Variants in PLA2G6 observed in about 807,000 individuals in gnomAD.
The protein encoded by PLA2G6 is phospholipase A2 group VI.
Under a neutral mutation model 83.8 loss-of-function variants are expected in PLA2G6, and 62 were observed. The observed-to-expected ratio is 0.74, with a 90% CI of 0.60 to 0.91. PLA2G6 has a LOEUF of 0.91. PLA2G6 is among the 40% of genes least tolerant of loss of function. The pLI is 0.00. For missense variants in PLA2G6, 944 were observed against 1,102.0 expected (o/e 0.86, Z 2.03); for synonymous variants, 417 against 449.8 (o/e 0.93, Z 0.92).
intron 2 of PLA2G6, 23 bp downstream of exon 2, chr22:38,169,195 T>C (rs1414651465): frequency 5.1e-6 from 8 of 1,576,044 alleles, no homozygotes; most frequent in Non-Finnish European, 6.1e-6. Flanking sequence ...GAGAGAAGTA[T>C]GTTCCCGCTG....
intron 3 of PLA2G6, chr22:38,145,032 CTTTTTTTTTT>C (rs968832533): frequency 1.6e-5 from 3 of 192,672 alleles, no homozygotes; most frequent in Non-Finnish European, 2.0e-5. Flanking sequence ...AACGCAGCAC[CTTTTTTTTTT>C]TTTTTTTTTT....
Position 38,111,582 on chromosome 22 carries a change from A to C in PLA2G6, c.*579T>G, listed in dbSNP as rs998129211. ...GAAACTCCCAGGAGTGACCTTTGAGAGCTGAGGGTTCTCGGGGTGGGGCAG... is the reference window on the plus strand; with the variant it reads ...GAAACTCCCAGGAGTGACCTTTGAGCGCTGAGGGTTCTCGGGGTGGGGCAG... On this transcript the variant is annotated 3_prime_UTR_variant, in exon 17 of 17. Transcript: ENST00000332509. 6 of 170,710 alleles carry C rather than the reference A, an allele frequency of 3.5e-5. No individual in the cohort carries two copies. Among genetic ancestry groups the C allele is most frequent in the Non-Finnish European group, 6.4e-5 (5 of 78,296 alleles). 10.6% of individuals were successfully genotyped at this position (170,710 alleles called of 1,614,324 possible).
intron 14 of PLA2G6, among the ~76,000 whole-genome samples, chr22:38,114,584 C>T (rs896144273): frequency 6.6e-6 from 1 of 152,218 alleles, no homozygotes; most frequent in Non-Finnish European, 1.5e-5. Flanking sequence ...CCCATCCGCA[C>T]GCAATAGGAG....
At chr22:38,176,783 A>C (rs1382983660) in intron 1 of PLA2G6, among the ~76,000 whole-genome samples, 1 of 152,142 alleles carries the variant, frequency 6.6e-6, no homozygotes, top group African/African-American at 2.4e-5. Flanking sequence ...CACACCTGTA[A>C]TCCCAGCACT....
At position 38,132,874 on chromosome 22, in the gene PLA2G6, G is replaced by A. The variant is rs1164473121; in HGVS notation, c.1034C>T (p.Ala345Val). Residue 345 changes from alanine to valine, a missense_variant, in exon 7 of 17, where the codon GCC becomes GTC. Coordinates refer to ENST00000332509, the MANE Select transcript of PLA2G6 (RefSeq NM_003560.4). The surrounding 1 kb of genome is among the most constrained non-coding windows in gnomAD (Gnocchi z 5.0). ...CGGGGTGTTGCCGTGCTCTCCGCGG[G>A]CATCCGCGTTGGCCCCGTGGGTCAG... The part of the protein sequence containing the change: ...VLLTHGANAD[A>V]RGEHGNTPLH... 1.3e-6 allele frequency: 2 copies of A among 1,553,114 alleles called. No homozygotes were observed. Among genetic ancestry groups the A allele is most frequent in the Admixed American group, 3.9e-5 (2 of 51,612 alleles).
intron 2 of PLA2G6, 131 bp from the exon 3 acceptor site, chr22:38,145,784 A>AAAACACACACACACACAC (rs1404075901): frequency 2.3e-6 from 1 of 429,266 alleles, no homozygotes; most frequent in African/African-American, 2.7e-5. Context: ...CTCCCAAGCA[A>AAAACACACACACACACAC]ACACACACAC....
At chr22:38,151,822 AG>A (rs2089575485) in intron 2 of PLA2G6, among the ~76,000 whole-genome samples, 1 of 152,328 alleles carries the variant, frequency 6.6e-6, no homozygotes, top group African/African-American at 2.4e-5. Flanking sequence ...GTAATCTCTA[AG>A]GTTCTGTCAA....
chr22:38,140,262 C>T (rs1214008698), intron 4 of PLA2G6, 93 bp from the exon 5 acceptor site: 69 of 1,182,750 alleles, frequency 5.8e-5, no homozygotes, highest in Non-Finnish European at 8.1e-5. Context: ...AATCCTAGCA[C>T]TTTGGGAGGC....
rs576862336 is a variant in PLA2G6, at chr22:38,160,808, G to A, written c.209+8410C>T. Among the ~76,000 whole-genome samples, 5 of 151,934 alleles carry A rather than the reference G, an allele frequency of 3.3e-5. No homozygotes were observed. The South Asian group carries it at 6.2e-4, about 19-fold the overall frequency. On this transcript the variant is annotated intron_variant, in intron 2 of 16. Coordinates refer to ENST00000332509, the MANE Select transcript of PLA2G6 (RefSeq NM_003560.4). ...TGCAGTAAGCAGAGATTGCGCCACC[G>A]CACTCCAACCTGGGCAACACAGTGA... is the stretch of plus-strand genomic sequence containing the variant.
At chr22:38,139,736 G>GA (rs1364413060) in intron 5 of PLA2G6, 8 of 509,472 alleles carry the variant, frequency 1.6e-5, no homozygotes, top group Non-Finnish European at 2.5e-5. Flanking sequence ...CGCCCAGCCA[G>GA]AAAAATTTTA....
At chr22:38,148,555 G>A (rs531461058) in intron 2 of PLA2G6, 3 of 717,290 alleles carry the variant, frequency 4.2e-6, no homozygotes, top group Admixed American at 4.0e-5. Context: ...TACTGGAGAG[G>A]ATGGGCAGAC....
At position 38,132,440 on chromosome 22, in the gene PLA2G6, A is replaced by G; in HGVS notation, c.1077+391T>C. On this transcript the variant is annotated intron_variant, in intron 7 of 16. Transcript: ENST00000332509. The surrounding 1 kb of genome is among the most constrained non-coding windows in gnomAD (Gnocchi z 5.0). ...TTCTGTAGAGGGTGACCAAGTGTCCACCATAACTTTTCCACAACTCTTCCA... is the reference window on the plus strand; with the variant it reads ...TTCTGTAGAGGGTGACCAAGTGTCCGCCATAACTTTTCCACAACTCTTCCA... 3.0e-6 allele frequency: 1 copy of G among 335,706 alleles called. No homozygotes were observed. Among genetic ancestry groups the G allele is most frequent in the South Asian group, 2.8e-5 (1 of 36,122 alleles). The allele number at this position is 335,706 out of a possible 1,614,324, so 20.8% of individuals were successfully genotyped here. A position where few individuals can be genotyped will look rare whatever the true frequency, so the allele number is the denominator to read the frequency against.
chr22:38,143,404 G>C, intron 3 of PLA2G6, 116 bp from the exon 4 acceptor site: 10 of 905,918 alleles, frequency 1.1e-5, no homozygotes, highest in Non-Finnish European at 1.1e-5. Flanking sequence ...TGGTTTATTT[G>C]AGCTCAAGAG....
chr22:38,150,096 A>T (rs920046498), intron 2 of PLA2G6: 1 of 151,902 alleles, frequency 6.6e-6, no homozygotes, highest in African/African-American at 2.4e-5. Context: ...AAAACAAGAA[A>T]GCCCCAGAAA....
At chr22:38,147,970 C>G (rs978184087) in intron 2 of PLA2G6, 2 of 160,598 alleles carry the variant, frequency 1.2e-5, no homozygotes, top group African/African-American at 4.8e-5. Context: ...AAAACCACAA[C>G]AAAGATAGGG....
chr22:38,127,002 G>A (rs938727049), intron 9 of PLA2G6: 6 of 1,072,556 alleles, frequency 5.6e-6, no homozygotes, highest in Non-Finnish European at 6.8e-6. Context: ...AGTGGCCTCC[G>A]GGATCAGGCC....
In PLA2G6 at chr22:38,112,143, G is replaced by A; in HGVS notation, c.*18C>T. 1.9e-6 allele frequency: 3 copies of A among 1,569,352 alleles called. No individual in the cohort carries two copies. Among genetic ancestry groups the A allele is most frequent in the South Asian group, 2.3e-5 (2 of 85,598 alleles). ...GAATGGACGAGGTCAGCTGGGGCCG[G>A]TGAGAGGCTGGGGACCCTCAGGGTG... On this transcript the variant is annotated 3_prime_UTR_variant, in exon 17 of 17. Coordinates refer to ENST00000332509, the MANE Select transcript of PLA2G6 (RefSeq NM_003560.4).
In PLA2G6 at chr22:38,115,546, T is replaced by C. The variant is rs369680655; in HGVS notation, c.2015A>G (p.Asn672Ser). Residue 672 changes from asparagine (N) to serine (S), a missense_variant, in exon 14 of 17, where the codon AAT becomes AGT. Transcript: ENST00000332509. ...ACTCACCTTGCGGATCAGGTCCTGA[T>C]TGTACTCATGGATCTCGGTCATGGC... Reference protein sequence around the residue: ...LDAMTEIHEYNQDLIRKGQAN... With the variant: ...LDAMTEIHEYSQDLIRKGQAN... 9 of 1,613,408 alleles carry C rather than the reference T, an allele frequency of 5.6e-6. No homozygotes were observed. Among genetic ancestry groups the C allele is most frequent in the African/African-American group, 1.3e-5 (1 of 74,920 alleles).
chr22:38,117,808 T>A (rs1434674045), intron 12 of PLA2G6, among the ~76,000 whole-genome samples: 1 of 151,394 alleles, frequency 6.6e-6, no homozygotes. Context: ...GAGGCCGAGG[T>A]GGGTGGATCA....
Sources: allele counts gnomAD v4.1 joint callset (sites outside exome capture counted in the v4.1 genomes callset), GRCh38; gene constraint gnomAD v4.1.1; non-coding constraint Gnocchi (gnomAD v3.1); transcripts MANE v1.5; gene names NCBI Gene and HGNC (gene_info 2026-07-23, HGNC 2026-07-21).